Variants in PPP1R9B observed in about 807,000 individuals in gnomAD.
PPP1R9B encodes neurabin-2.
PPP1R9B carries 17 observed loss-of-function variants against 75.8 expected under a neutral mutation model. That is an observed-to-expected ratio of 0.22 (90% CI 0.15 to 0.34). The LOEUF is 0.34. Ranked by LOEUF, PPP1R9B falls within the 10% of genes least tolerant of loss-of-function variation. The probability of loss-of-function intolerance (pLI) is 1.00; values close to 1 mark genes in which losing one functional copy is unlikely to be tolerated. For synonymous variants in PPP1R9B, 509 were observed against 535.4 expected (o/e 0.95, Z 0.68); for missense variants, 875 against 1,196.0 (o/e 0.73, Z 3.96).
At position 50,143,633 on chromosome 17, in the gene PPP1R9B, G is replaced by T; in HGVS notation, c.1590C>A (p.Thr530=). ...GLEKLGIFVK[T]VTEGGAAHRD... is the part of the protein sequence containing the mutation. ...GATGGGCCGCACCACCCTCCGTCAC[G>T]GTCTTGACGAAGATACCCAGCTTCT... The change falls in exon 3 of 10, where the codon ACC becomes ACA. Residue 530 remains threonine, a synonymous_variant. Coordinates refer to ENST00000612501, the MANE Select transcript of PPP1R9B (RefSeq NM_032595.5). The T allele has an allele frequency of 6.2e-7, 1 of 1,613,960 alleles. No homozygotes were observed.
chr17:50,150,104 G>GAA lies in PPP1R9B; in HGVS notation c.409_410insTT (p.Pro137LeufsTer36). 7.2e-7 allele frequency: 1 copy of GAA among 1,397,976 alleles called. No individual in the cohort carries two copies. Among genetic ancestry groups the GAA allele is most frequent in the Non-Finnish European group, 9.2e-7 (1 of 1,081,480 alleles). 86.6% of individuals were successfully genotyped at this position (1,397,976 alleles called of 1,614,324 possible). On this transcript the variant is annotated frameshift_variant, in exon 1 of 10. Coordinates refer to ENST00000612501, the MANE Select transcript of PPP1R9B (RefSeq NM_032595.5). LOFTEE classifies it high-confidence loss of function. The surrounding 1 kb of genome is among the most constrained non-coding windows in gnomAD (Gnocchi z 8.7). ...CTGCAGCCGGGACGGCGGGTGCGGC[G>GAA]GCGGCGCAGGCTGCGCGGAGGGCGC...
rs1047660339 is a variant in PPP1R9B at position 50,135,496 on chromosome 17, G to C, written c.2400+57C>G. On this transcript the variant is annotated intron_variant, in intron 9 of 9. Coordinates refer to ENST00000612501, the MANE Select transcript of PPP1R9B (RefSeq NM_032595.5). ...CCCTCCCTCCAGGACCCACAGGGTAGGGGCTTCAATGCTGCTCCCTCCACT... is the reference window on the plus strand; with the variant it reads ...CCCTCCCTCCAGGACCCACAGGGTACGGGCTTCAATGCTGCTCCCTCCACT... 574 of 1,586,484 alleles carry C rather than the reference G, an allele frequency of 3.6e-4. 4 individuals are homozygous for C. The highest frequency in any genetic ancestry group is 1.7e-4 in the Middle Eastern group (1 of 5,796).
intron 1 of PPP1R9B, among the ~76,000 whole-genome samples, chr17:50,146,536 G>A (rs1295540862): frequency 2.0e-5 from 3 of 152,164 alleles, no homozygotes; most frequent in Non-Finnish European, 4.4e-5. Flanking sequence ...GGTTTGCTCC[G>A]TGTCGTCCCC....
intron 2 of PPP1R9B, among the ~76,000 whole-genome samples, chr17:50,144,170 C>T (rs1473924001): frequency 6.6e-6 from 1 of 152,110 alleles, no homozygotes; most frequent in Non-Finnish European, 1.5e-5. Context: ...CACACCTGCC[C>T]CTGCCTGACT....
chr17:50,141,304 C>T lies in PPP1R9B; in HGVS notation c.1695G>A (p.Ala565=), dbSNP rs147618779. The change falls in exon 4 of 10, where the codon GCG becomes GCA. Residue 565 remains alanine, a synonymous_variant. Coordinates refer to ENST00000612501, the MANE Select transcript of PPP1R9B (RefSeq NM_032595.5). ...CCTTGGTGTTCCGGAGCACAGACGC[C>T]GCGAAGCTCTGGGTCACTCCCACCA... ...TSLVGVTQSF[A]ASVLRNTKGR... is the part of the protein sequence containing the mutation. 1.4e-4 allele frequency: 215 copies of T among 1,591,900 alleles called. No individual in the cohort carries two copies. The highest frequency in any genetic ancestry group is 7.5e-5 in the Non-Finnish European group (88 of 1,170,030).
chr17:50,149,528 A>G lies in PPP1R9B; in HGVS notation c.986T>C (p.Leu329Pro). Residue 329 changes from leucine to proline, a missense_variant, in exon 1 of 10, where the codon CTG (leucine) becomes CCG (proline). Transcript: ENST00000612501. The surrounding 1 kb of genome is among the most constrained non-coding windows in gnomAD (Gnocchi z 7.2). ...IQAEVTVHAA[L>P]ENGSTVATAA... ...AGTTGCCACGGTGCTGCCATTCTCC[A>G]GGGCCGCGTGGACCGTAACCTCGGC... 4 of 1,591,806 alleles carry G rather than the reference A, an allele frequency of 2.5e-6. No homozygotes were observed. The highest frequency in any genetic ancestry group is 3.4e-6 in the Non-Finnish European group (4 of 1,171,252).
rs555129539 is a variant in PPP1R9B, at chr17:50,136,261, C to T, written c.2074-64G>A. On this transcript the variant is annotated intron_variant, in intron 7 of 9. Coordinates refer to ENST00000612501, the MANE Select transcript of PPP1R9B (RefSeq NM_032595.5). ...AGCAGGAGCCAAAGGGTACCCCCAT[C>T]CTAGCACTGGGGCCAGAGTCGCCAG... The T allele has an allele frequency of 2.9e-4, 405 of 1,401,666 alleles. 1 individual carries two copies. In the Middle Eastern group the frequency reaches 0.01, roughly 35 times the overall value. The allele number at this position is 1,401,666 out of a possible 1,614,324, so 86.8% of individuals were successfully genotyped here. A position where few individuals can be genotyped will look rare whatever the true frequency, so the allele number is the denominator to read the frequency against.
Position 50,149,983 on chromosome 17 carries a change from G to A in PPP1R9B, c.531C>T (p.Gly177=). 6.6e-7 allele frequency: 1 copy of A among 1,507,132 alleles called. No homozygotes were observed. Among genetic ancestry groups the A allele is most frequent in the Non-Finnish European group, 8.8e-7 (1 of 1,136,944 alleles). The allele number at this position is 1,507,132 out of a possible 1,614,324, so 93.4% of individuals were successfully genotyped here. Residue 177 remains glycine, a synonymous_variant, in exon 1 of 10, where the codon GGC becomes GGT. Coordinates refer to ENST00000612501, the MANE Select transcript of PPP1R9B (RefSeq NM_032595.5). This position sits in a 1 kb window ranked among gnomAD's most constrained non-coding sequence, Gnocchi z 7.2. ...CGACGTCCAGCTTCCGGTCCTGCAG[G>A]CCGGCGCGCTCCTGCCTCAGCAGCC... ...ARRLLRQERA[G]LQDRKLDVVV...
intron 7 of PPP1R9B, among the ~76,000 whole-genome samples, chr17:50,136,811 G>C (rs543759528): frequency 2.0e-5 from 3 of 152,084 alleles, no homozygotes; most frequent in African/African-American, 7.2e-5. Context: ...TGTGCACTCT[G>C]AGCTGCAAAT....
At chr17:50,144,350 T>TG (rs1390223562) in intron 2 of PPP1R9B, among the ~76,000 whole-genome samples, 1 of 152,134 alleles carries the variant, frequency 6.6e-6, no homozygotes, top group African/African-American at 2.4e-5. Context: ...ATTCTACCCC[T>TG]GGAGATCTTT....
chr17:50,148,144 G>T (rs1159340997), intron 1 of PPP1R9B, among the ~76,000 whole-genome samples: 1 of 152,126 alleles, frequency 6.6e-6, no homozygotes, highest in African/African-American at 2.4e-5. Flanking sequence ...TGGGGTTTTT[G>T]ATTCCCCCCA....
In PPP1R9B at chr17:50,150,008, C is replaced by A. The variant is rs367543201; in HGVS notation, c.506G>T (p.Arg169Leu). The change falls in exon 1 of 10, where the codon CGG (arginine) becomes CTG (leucine). Residue 169 changes from arginine (R) to leucine (L), a missense_variant. By Grantham distance (102) the Arg-to-Leu change is moderately radical. Coordinates refer to ENST00000612501, the MANE Select transcript of PPP1R9B (RefSeq NM_032595.5). This position sits in a 1 kb window ranked among gnomAD's most constrained non-coding sequence, Gnocchi z 8.7. ...GCCGGCGCGCTCCTGCCTCAGCAGC[C>A]GCCGCGCCGCGGCCTCCTTGTCGCC... Reference protein sequence around the residue: ...AGGDKEAAARRLLRQERAGLQ... With the variant: ...AGGDKEAAARLLLRQERAGLQ... 1.3e-6 allele frequency: 2 copies of A among 1,487,308 alleles called. No homozygotes were observed. The highest frequency in any genetic ancestry group is 1.8e-6 in the Non-Finnish European group (2 of 1,128,676). 92.1% of individuals were successfully genotyped at this position (1,487,308 alleles called of 1,614,324 possible). A position where few individuals can be genotyped will look rare whatever the true frequency, so the allele number is the denominator to read the frequency against.
chr17:50,143,458 C>T, intron 3 of PPP1R9B, 140 bp downstream of exon 3: 1 of 1,085,162 alleles, frequency 9.2e-7, no homozygotes, highest in African/African-American at 1.6e-5. Flanking sequence ...GGCAGTGCTC[C>T]CCGAACATCT....
Position 50,149,115 on chromosome 17 carries a change from CGGGGGCAGGGCGGGGG to C in PPP1R9B, c.1371+12_1371+27del. 1 of 1,146,748 alleles carries C rather than the reference CGGGGGCAGGGCGGGGG, an allele frequency of 8.7e-7. No homozygotes were observed. The highest frequency in any genetic ancestry group is 4.1e-5 in the Admixed American group (1 of 24,346). 71.0% of individuals were successfully genotyped at this position (1,146,748 alleles called of 1,614,324 possible). The stretch of plus-strand genomic sequence containing the variant: ...CCGCGTGCACGTGGCAGGGGCGGCG[CGGGGGCAGGGCGGGGG>C]GGCTCACTTACTTGGATGGGCGCCG... On this transcript the variant is annotated intron_variant, in intron 1 of 9. Coordinates refer to ENST00000612501, the MANE Select transcript of PPP1R9B (RefSeq NM_032595.5). The surrounding 1 kb of genome is among the most constrained non-coding windows in gnomAD (Gnocchi z 7.2).
intron 7 of PPP1R9B, among the ~76,000 whole-genome samples, chr17:50,136,661 C>T (rs976669664): frequency 1.3e-5 from 2 of 152,264 alleles, no homozygotes; most frequent in African/African-American, 4.8e-5. Flanking sequence ...GCACTTGTGG[C>T]TTCCTGAACA....
rs1598245921 is a variant in PPP1R9B at position 50,139,720 on chromosome 17, G to A, written c.1867-139C>T. On this transcript the variant is annotated intron_variant, in intron 5 of 9. Transcript: ENST00000612501. This position sits in a 1 kb window ranked among gnomAD's most constrained non-coding sequence, Gnocchi z 5.0. The stretch of plus-strand genomic sequence containing the variant: ...TTCATGCCTCCCACTTCAGCCTGAG[G>A]CTGGACCAGAGACACGGTTTATGTC... 9.9e-7 allele frequency: 1 copy of A among 1,013,512 alleles called. No individual in the cohort carries two copies. The highest frequency in any genetic ancestry group is 1.4e-6 in the Non-Finnish European group (1 of 701,810). 62.8% of individuals were successfully genotyped at this position (1,013,512 alleles called of 1,614,324 possible).
At chr17:50,147,218 C>CACCATGATATG (rs1227503549) in intron 1 of PPP1R9B, among the ~76,000 whole-genome samples, 1 of 152,234 alleles carries the variant, frequency 6.6e-6, no homozygotes, top group Non-Finnish European at 1.5e-5. Flanking sequence ...TCGGGCTGCC[C>CACCATGATATG]ACCATGATAT....
chr17:50,149,262 C>G lies in PPP1R9B; in HGVS notation c.1252G>C (p.Glu418Gln). The G allele has an allele frequency of 6.2e-7, 1 of 1,612,798 alleles. No individual in the cohort carries two copies. Among genetic ancestry groups the G allele is most frequent in the Non-Finnish European group, 8.5e-7 (1 of 1,179,500 alleles). ...TCGTAGGGGGGCTCCCCATCCTCCTCGTCGTCTTCGTCGTCCTCCTCCAGG... is the reference window on the plus strand; with the variant it reads ...TCGTAGGGGGGCTCCCCATCCTCCTGGTCGTCTTCGTCGTCCTCCTCCAGG... ...SALEEDDEDD[E>Q]EDGEPPYEPE... The change falls in exon 1 of 10, where the codon GAG becomes CAG. Residue 418 changes from glutamate (E) to glutamine (Q), a missense_variant. By Grantham distance (29) the Glu-to-Gln change is conservative. Around this residue, in one of 4 missense-constraint regions of PPP1R9B, gnomAD observed 449 missense variants for 475.0 expected, o/e 0.95. Transcript: ENST00000612501. This position sits in a 1 kb window ranked among gnomAD's most constrained non-coding sequence, Gnocchi z 7.2.
intron 3 of PPP1R9B, 59 bp downstream of exon 3, chr17:50,143,539 C>T (rs1258375545): frequency 1.2e-6 from 2 of 1,602,548 alleles, no homozygotes; most frequent in Non-Finnish European, 1.7e-6. Flanking sequence ...GCCCACCCCA[C>T]CAAGGATGGC....
Sources: allele counts gnomAD v4.1 joint callset (sites outside exome capture counted in the v4.1 genomes callset), GRCh38; gene constraint gnomAD v4.1.1; regional missense constraint gnomAD v4.1.1; non-coding constraint Gnocchi (gnomAD v3.1); transcripts MANE v1.5; gene names NCBI Gene and HGNC (gene_info 2026-07-23, HGNC 2026-07-21).